Variants in CUX1 observed in about 807,000 individuals in gnomAD.
CUX1 encodes the protein cut like homeobox 1.
In CUX1, 31 loss-of-function variants were observed where a neutral mutation model predicts 158.8. The ratio of observed to expected loss-of-function variants is 0.20; its 90% confidence interval spans 0.15 to 0.26. CUX1 has a LOEUF of 0.26. Ranked by LOEUF, CUX1 falls within the 10% of genes least tolerant of loss-of-function variation. The pLI is 1.00. For missense variants in CUX1, 1,589 were observed against 2,014.6 expected (o/e 0.79, Z 4.04); for synonymous variants, 879 against 862.1 (o/e 1.02, Z -0.34).
intron 8 of CUX1, among the ~76,000 whole-genome samples, chr7:102,150,466 G>C (rs543331317): frequency 3.3e-5 from 5 of 152,222 alleles, no homozygotes; most frequent in African/African-American, 1.2e-4. Flanking sequence ...GAGACTATTG[G>C]CTTATGAATC....
chr7:102,280,927 C>T (rs1471231199), intron 20 of CUX1: 3 of 1,476,024 alleles, frequency 2.0e-6, no homozygotes, highest in Non-Finnish European at 2.8e-6. Context: ...GGCACCTCTT[C>T]ACCTGCCCTG....
chr7:102,154,760 C>T (rs868912030), intron 8 of CUX1, among the ~76,000 whole-genome samples: 4 of 152,054 alleles, frequency 2.6e-5, no homozygotes, highest in African/African-American at 4.8e-5. Flanking sequence ...CCAACAATAT[C>T]CAAATAACAG....
Position 102,257,419 on chromosome 7 carries a change from T to C in CUX1, c.*8377T>C. 3 of 984,408 alleles carry C rather than the reference T, an allele frequency of 3.0e-6. No individual in the cohort carries two copies. The highest frequency in any genetic ancestry group is 4.7e-5 in the South Asian group (1 of 21,260). 61.0% of individuals were successfully genotyped at this position (984,408 alleles called of 1,614,324 possible). On this transcript the variant is annotated 3_prime_UTR_variant, in exon 24 of 24. Coordinates refer to ENST00000292535, the MANE Select transcript of CUX1 (RefSeq NM_181552.4). ...TCACGTACCCCCATCTGAGACCTCTTGGAAAAAAAAAATCCCGTGTATTCT... is the reference window on the plus strand; with the variant it reads ...TCACGTACCCCCATCTGAGACCTCTCGGAAAAAAAAAATCCCGTGTATTCT...
intron 8 of CUX1, among the ~76,000 whole-genome samples, chr7:102,122,845 C>T (rs1456264562): frequency 6.6e-6 from 1 of 152,024 alleles, no homozygotes; most frequent in Non-Finnish European, 1.5e-5. Context: ...GGTGCTGGAA[C>T]GATAGAGTAA....
At chr7:102,021,617 T>TTA (rs1228194592) in intron 2 of CUX1, among the ~76,000 whole-genome samples, 59 of 49,348 alleles carry the variant, frequency 1.2e-3, no homozygotes, top group African/African-American at 6.4e-3. Flanking sequence ...TTTTTCTCTT[T>TTA]TTTTTTTTTT....
intron 4 of CUX1, among the ~76,000 whole-genome samples, chr7:102,073,330 C>T (rs1331463622): frequency 6.6e-6 from 1 of 151,744 alleles, no homozygotes; most frequent in African/African-American, 2.4e-5. Flanking sequence ...CCCATCACGA[C>T]ACCCAGCTAA....
intron 20 of CUX1, among the ~76,000 whole-genome samples, chr7:102,211,105 G>A (rs1432688456): frequency 6.6e-6 from 1 of 152,132 alleles, no homozygotes; most frequent in African/African-American, 2.4e-5. Flanking sequence ...ATGTTCATAG[G>A]GACAGGAGAG....
rs1441700610 is a variant in CUX1, at chr7:102,254,998, A to G, written c.*5956A>G. The G allele has an allele frequency of 6.1e-6, 6 of 985,062 alleles. No homozygotes were observed. The highest frequency in any genetic ancestry group is 4.7e-5 in the South Asian group (1 of 21,266). The allele number at this position is 985,062 out of a possible 1,614,324, so 61.0% of individuals were successfully genotyped here. On this transcript the variant is annotated 3_prime_UTR_variant, in exon 24 of 24. Coordinates refer to ENST00000292535, the MANE Select transcript of CUX1 (RefSeq NM_181552.4). ...GATGGGCTGAAAGTTAAGTCCACCA[A>G]CCCTTGGGCTTAATCAGGACGGAAG...
At chr7:102,154,567 G>C (rs1836042019) in intron 8 of CUX1, 1 of 151,952 alleles carries the variant, frequency 6.6e-6, no homozygotes, top group Admixed American at 6.6e-5. Flanking sequence ...GCTGCCTTGA[G>C]TCGTGATCAC....
intron 23 of CUX1, among the ~76,000 whole-genome samples, chr7:102,244,161 G>C (rs1800548750): frequency 6.6e-6 from 1 of 152,156 alleles, no homozygotes; most frequent in African/African-American, 2.4e-5. Flanking sequence ...AGACCAACCT[G>C]CCGTTATACC....
At chr7:102,084,545 C>T (rs1204371345) in intron 4 of CUX1, among the ~76,000 whole-genome samples, 2 of 144,248 alleles carry the variant, frequency 1.4e-5, no homozygotes, top group South Asian at 4.5e-4. Flanking sequence ...GCCTCAGCCT[C>T]CCAAGTAGCT....
intron 4 of CUX1, among the ~76,000 whole-genome samples, chr7:102,095,878 C>T (rs1205660959): frequency 2.6e-5 from 4 of 152,176 alleles, no homozygotes; most frequent in Admixed American, 1.3e-4. Flanking sequence ...GAAGTATGCC[C>T]CAGGTACCCA....
In CUX1 at chr7:102,204,393, G is replaced by A. The variant is rs1181103039; in HGVS notation, c.2910G>A (p.Val970=). 6.2e-7 allele frequency: 1 copy of A among 1,613,240 alleles called. No individual in the cohort carries two copies. Among genetic ancestry groups the A allele is most frequent in the Non-Finnish European group, 8.5e-7 (1 of 1,179,976 alleles). The part of the protein sequence containing the change: ...GICQRIFGEK[V]LGLSQGSVSD... ...CTGTGTGTTCGGTGCCACTCCAGGTGCTGGGCCTGTCCCAGGGCAGCGTCA... is the reference window on the plus strand; with the variant it reads ...CTGTGTGTTCGGTGCCACTCCAGGTACTGGGCCTGTCCCAGGGCAGCGTCA... Residue 970 remains valine, a splice_region_variant and synonymous_variant, in exon 19 of 24, where the codon GTG becomes GTA. Coordinates refer to ENST00000292535, the MANE Select transcript of CUX1 (RefSeq NM_181552.4).
At chr7:102,258,514 T>C (rs73712445), downstream of CUX1, among the ~76,000 whole-genome samples, 3,138 of 152,282 alleles carry the variant, frequency 0.021, 117 homozygotes, top group African/African-American at 0.072. Flanking sequence ...ACCAGCACTG[T>C]TTGCCTACCC....
At chr7:102,282,093 A>C (rs74639321) in intron 21 of CUX1, among the ~76,000 whole-genome samples, 2,034 of 152,248 alleles carry the variant, frequency 0.013, 49 homozygotes, top group African/African-American at 0.047. Flanking sequence ...AGGGACGAGA[A>C]GGACCCACCC....
intron 20 of CUX1, among the ~76,000 whole-genome samples, chr7:102,222,579 C>T (rs1797912588): frequency 6.6e-6 from 1 of 152,042 alleles, no homozygotes. Flanking sequence ...TTTTGGTTCC[C>T]TTCCACAATC....
At chr7:102,160,765 G>A (rs560469518) in intron 9 of CUX1, among the ~76,000 whole-genome samples, 5 of 152,262 alleles carry the variant, frequency 3.3e-5, no homozygotes, top group African/African-American at 4.8e-5. Flanking sequence ...AAAGTGCCAC[G>A]GTGACTGCCA....
At chr7:102,011,040 G>GA (rs1471266568) in intron 2 of CUX1, among the ~76,000 whole-genome samples, 1 of 152,138 alleles carries the variant, frequency 6.6e-6, no homozygotes, top group Non-Finnish European at 1.5e-5. Flanking sequence ...TTGAACCTGG[G>GA]AGGCGGAGGT....
At chr7:102,140,630 C>A (rs918515916) in intron 8 of CUX1, among the ~76,000 whole-genome samples, 1 of 150,278 alleles carries the variant, frequency 6.7e-6, no homozygotes, top group Non-Finnish European at 1.5e-5. Context: ...GAGGCCGAGG[C>A]GGGAGAATCA....
Sources: gnomAD v4.1 joint callset for allele counts (sites outside exome capture counted in the v4.1 genomes callset) on GRCh38, gnomAD v4.1.1 for gene constraint, MANE v1.5 for transcripts, NCBI Gene and HGNC (gene_info 2026-07-23, HGNC 2026-07-21) for gene names.